Variants in NAALADL2 observed in about 807,000 individuals in gnomAD.
NAALADL2 encodes the protein N-acetylated alpha-linked acidic dipeptidase like 2.
In NAALADL2, 76 loss-of-function variants were observed where a neutral mutation model predicts 87.2. The observed-to-expected ratio is 0.87, with a 90% CI of 0.72 to 1.05. The LOEUF (loss-of-function observed/expected upper bound fraction) is 1.05, where lower values mean the gene tolerates loss of function less well. Among genes scored for constraint, NAALADL2 ranks in the 50% least tolerant of loss-of-function variants. The probability of loss-of-function intolerance (pLI) is 0.00; values close to 1 mark genes in which losing one functional copy is unlikely to be tolerated. For missense variants in NAALADL2, 1,089 were observed against 945.8 expected, an observed-to-expected ratio of 1.15 and a Z score of -1.99; for synonymous variants, 354 against 331.0, an observed-to-expected ratio of 1.07 and a Z score of -0.75.
At chr3:174,984,112 TA>T (rs112965373) in intron 1 of NAALADL2, among the ~76,000 whole-genome samples, 75 of 152,182 alleles carry the variant, frequency 4.9e-4, no homozygotes, top group African/African-American at 1.8e-3. Context: ...TGAGATGTTT[TA>T]AAAAAACACA....
intron 13 of NAALADL2, among the ~76,000 whole-genome samples, chr3:175,779,775 A>G (rs1241662930): frequency 6.6e-6 from 1 of 152,192 alleles, no homozygotes; most frequent in Non-Finnish European, 1.5e-5. Context: ...AAGTAATACA[A>G]GGTTTTCTAT....
chr3:175,441,829 A>G (rs1719819147), intron 5 of NAALADL2, among the ~76,000 whole-genome samples: 2 of 152,044 alleles, frequency 1.3e-5, no homozygotes, highest in Admixed American at 1.3e-4. Context: ...TTTTTATCTT[A>G]TCTAACCTCT....
At chr3:175,533,767 C>G (rs573236938) in intron 9 of NAALADL2, among the ~76,000 whole-genome samples, 1 of 152,232 alleles carries the variant, frequency 6.6e-6, no homozygotes, top group South Asian at 2.1e-4. Context: ...TCCACAATTT[C>G]AGCTTTTTCT....
At chr3:175,419,813 A>G (rs956036158) in intron 5 of NAALADL2, among the ~76,000 whole-genome samples, 6 of 151,930 alleles carry the variant, frequency 3.9e-5, no homozygotes, top group Non-Finnish European at 8.8e-5. Flanking sequence ...CTATTTGACT[A>G]TGAGGTGGCA....
Position 175,809,153 on chromosome 3 carries a change from A to C in NAALADL2, c.*5950A>C, listed in dbSNP as rs899408095. On this transcript the variant is annotated 3_prime_UTR_variant, in exon 14 of 14. Coordinates refer to ENST00000454872, the MANE Select transcript of NAALADL2 (RefSeq NM_207015.3). Reference sequence around the variant, plus strand: ...TAAAATGCTATTACTCTCTAAACAGAACTTTAGCATATCTGTTTGATAAGA... The same window carrying C: ...TAAAATGCTATTACTCTCTAAACAGCACTTTAGCATATCTGTTTGATAAGA... 6.6e-6 allele frequency: 1 copy of C among 152,042 alleles called. No individual in the cohort carries two copies. Among genetic ancestry groups the C allele is most frequent in the African/African-American group, 2.4e-5 (1 of 41,424 alleles). 9.4% of individuals were successfully genotyped at this position (152,042 alleles called of 1,614,324 possible). A position where few individuals can be genotyped will look rare whatever the true frequency, so the allele number is the denominator to read the frequency against.
Position 174,544,770 on chromosome 3 carries a change from C to T in NAALADL2, c.-183-5799C>T, listed in dbSNP as rs147382981. Among the ~76,000 whole-genome samples the T allele has an allele frequency of 4.2e-4, 64 of 151,786 alleles. 1 individual carries two copies. The highest frequency in any genetic ancestry group is 1.6e-4 in the Non-Finnish European group (11 of 67,922). Reference sequence around the variant, plus strand: ...ATTTTTAGTAGAGATGGAGTTTCACCGTGTTGGCCAGGAGAGTCTCGATCT... The same window carrying T: ...ATTTTTAGTAGAGATGGAGTTTCACTGTGTTGGCCAGGAGAGTCTCGATCT... On this transcript the variant is annotated intron_variant, in intron 1 of 3. Coordinates refer to the NAALADL2 transcript ENST00000434257.
chr3:175,192,428 G>C (rs1738350419), intron 2 of NAALADL2, among the ~76,000 whole-genome samples: 1 of 151,994 alleles, frequency 6.6e-6, no homozygotes, highest in African/African-American at 2.4e-5. Context: ...TGTCGTATTA[G>C]TTTCATAGAA....
rs536485707 is a variant in NAALADL2, at chr3:175,119,957, G to T, written c.545+22666G>T. On this transcript the variant is annotated intron_variant, in intron 2 of 13. Coordinates refer to ENST00000454872, the MANE Select transcript of NAALADL2 (RefSeq NM_207015.3). ...TATATGAGGAAAAAGTTAAACAAGG[G>T]TGAGAGGGGAAAGGCCGGTGTTGTA... Among the ~76,000 whole-genome samples, 236 of 90,698 alleles carry T rather than the reference G, an allele frequency of 2.6e-3. 1 individual carries two copies. Among genetic ancestry groups the T allele is most frequent in the African/African-American group, 0.012 (221 of 18,392 alleles). 59.5% of individuals were successfully genotyped at this position (90,698 alleles called of 152,430 possible).
chr3:174,571,848 A>T (rs376658257), intron 2 of NAALADL2, among the ~76,000 whole-genome samples: 1 of 152,356 alleles, frequency 6.6e-6, no homozygotes, highest in East Asian at 1.9e-4. Context: ...ACCCAGAAAC[A>T]TTGAATAAAT....
At chr3:175,063,172 C>T (rs1264614819) in intron 1 of NAALADL2, among the ~76,000 whole-genome samples, 1 of 152,052 alleles carries the variant, frequency 6.6e-6, no homozygotes, top group African/African-American at 2.4e-5. Context: ...CAAAGGTGAA[C>T]AGTCTGTTTA....
chr3:175,062,111 A>G (rs530077722), intron 1 of NAALADL2, among the ~76,000 whole-genome samples: 17 of 142,376 alleles, frequency 1.2e-4, no homozygotes, highest in Non-Finnish European at 1.9e-4. Context: ...GATGGTGTTA[A>G]CTTTGAATGA....
chr3:174,879,488 T>A (rs1162386387), intron 1 of NAALADL2, among the ~76,000 whole-genome samples: 2 of 152,132 alleles, frequency 1.3e-5, no homozygotes, highest in African/African-American at 4.8e-5. Context: ...TTTTATGATT[T>A]TTTCCTACGG....
At chr3:175,013,015 AATAT>A (rs1750066071) in intron 1 of NAALADL2, among the ~76,000 whole-genome samples, 1 of 133,610 alleles carries the variant, frequency 7.5e-6, no homozygotes, top group African/African-American at 2.9e-5. Flanking sequence ...GTACATATAT[AATAT>A]ATAAATATAT....
rs146427157 is a variant in NAALADL2, at chr3:174,690,239, AAAGT to A, written c.-114-47398_-114-47395del. On this transcript the variant is annotated intron_variant, in intron 2 of 3. Transcript: ENST00000434257. Reference sequence around the variant, plus strand: ...CTATAAGCAACAATTTTTTGTGATTAAAGTAAGACGATCATATACTGTAAAGAAT... The same window carrying A: ...CTATAAGCAACAATTTTTTGTGATTAAAGACGATCATATACTGTAAAGAAT... Among the ~76,000 whole-genome samples, 796 of 152,336 alleles carry A rather than the reference AAAGT, an allele frequency of 5.2e-3. 10 individuals are homozygous for A. The highest frequency in any genetic ancestry group is 0.018 in the African/African-American group (747 of 41,578).
chr3:175,292,775 C>G (rs1325988066), intron 4 of NAALADL2, among the ~76,000 whole-genome samples: 1 of 151,934 alleles, frequency 6.6e-6, no homozygotes, highest in African/African-American at 2.4e-5. Flanking sequence ...GGGTGGCTCA[C>G]GCCTGTAATC....
chr3:175,356,368 A>G (rs1229804730), intron 5 of NAALADL2, among the ~76,000 whole-genome samples: 3 of 151,996 alleles, frequency 2.0e-5, no homozygotes, highest in African/African-American at 4.8e-5. Context: ...GGATTGCTTG[A>G]GCCCAAGAGT....
intron 5 of NAALADL2, among the ~76,000 whole-genome samples, chr3:175,441,634 T>A (rs999669066): frequency 2.0e-5 from 3 of 151,326 alleles, no homozygotes; most frequent in Non-Finnish European, 4.4e-5. Flanking sequence ...ATAGGAAGGA[T>A]CTGTACAACA....
At chr3:174,468,738 T>C (rs533354364) in intron 1 of NAALADL2, among the ~76,000 whole-genome samples, 4 of 151,176 alleles carry the variant, frequency 2.6e-5, no homozygotes, top group East Asian at 3.9e-4. Flanking sequence ...CCCTGACTTA[T>C]ATGTATTGGA....
chr3:175,593,273 A>G (rs529096131), intron 10 of NAALADL2, among the ~76,000 whole-genome samples: 25 of 152,236 alleles, frequency 1.6e-4, no homozygotes, highest in African/African-American at 5.8e-4. Flanking sequence ...TCCTTTTAAC[A>G]CAAGTATTTT....
Sources: allele counts gnomAD v4.1 joint callset (sites outside exome capture counted in the v4.1 genomes callset), GRCh38; gene constraint gnomAD v4.1.1; transcripts MANE v1.5; gene names NCBI Gene and HGNC (gene_info 2026-07-23, HGNC 2026-07-21).